The following MAGI2 variants were observed in gnomAD, a reference collection of about 807,000 sequenced individuals.
MAGI2 encodes the protein membrane-associated guanylate kinase, WW and PDZ domain-containing protein 2.
A neutral mutation model predicts 133.3 loss-of-function variants in MAGI2; 35 were observed. The ratio of observed to expected loss-of-function variants is 0.26; its 90% confidence interval spans 0.20 to 0.35. MAGI2 has a LOEUF of 0.35. Ranked by LOEUF, MAGI2 falls within the 10% of genes least tolerant of loss-of-function variation. MAGI2 has a pLI of 1.00. For missense variants in MAGI2, 1,636 were observed against 1,863.4 expected (o/e 0.88, Z 2.25); for synonymous variants, 729 against 710.6 (o/e 1.03, Z -0.41).
chr7:78,750,103 C>T (rs1823308358), intron 2 of MAGI2, among the ~76,000 whole-genome samples: 1 of 152,104 alleles, frequency 6.6e-6, no homozygotes, highest in Non-Finnish European at 1.5e-5. Flanking sequence ...CACTGTTCAT[C>T]TCCCACTTAT....
chr7:79,425,934 A>C lies in MAGI2; in HGVS notation c.301+27086T>G, dbSNP rs1411742370. On this transcript the variant is annotated intron_variant, in intron 1 of 21. Coordinates refer to ENST00000354212, the MANE Select transcript of MAGI2 (RefSeq NM_012301.4). ...AGGAAAACTCAGTGTTTGAACTTGAATAAAAGGCACCACATAATTTTTAAA... is the reference window on the plus strand; with the variant it reads ...AGGAAAACTCAGTGTTTGAACTTGACTAAAAGGCACCACATAATTTTTAAA... Among the ~76,000 whole-genome samples, 3 of 152,202 alleles carry C rather than the reference A, an allele frequency of 2.0e-5. No individual in the cohort carries two copies. In the East Asian group the frequency reaches 5.8e-4, roughly 29 times the overall value.
chr7:78,078,856 G>A (rs2151186326), intron 21 of MAGI2, 91 bp downstream of exon 21: 6 of 1,423,898 alleles, frequency 4.2e-6, no homozygotes, highest in Non-Finnish European at 5.9e-6. Context: ...TTAGGTAGAA[G>A]TGGAGAACTG....
intron 2 of MAGI2, among the ~76,000 whole-genome samples, chr7:78,923,929 C>T (rs1449966326): frequency 1.3e-5 from 2 of 152,052 alleles, no homozygotes; most frequent in Non-Finnish European, 2.9e-5. Flanking sequence ...AAGTTGGGTT[C>T]CTAAGTATTT....
intron 2 of MAGI2, among the ~76,000 whole-genome samples, chr7:78,767,240 C>T (rs1825122875): frequency 6.6e-6 from 1 of 152,134 alleles, no homozygotes; most frequent in Non-Finnish European, 1.5e-5. Flanking sequence ...CCGCCTGCCT[C>T]GGCCTTCCAA....
chr7:78,321,504 A>C (rs756866237), intron 9 of MAGI2, among the ~76,000 whole-genome samples: 1 of 152,228 alleles, frequency 6.6e-6, no homozygotes, highest in African/African-American at 2.4e-5. Flanking sequence ...AACCTGACAA[A>C]AACAAGCAAT....
intron 2 of MAGI2, among the ~76,000 whole-genome samples, chr7:78,635,867 C>G (rs1008811308): frequency 6.6e-5 from 10 of 152,200 alleles, no homozygotes; most frequent in African/African-American, 2.4e-4. Flanking sequence ...TTTTACACAA[C>G]CAGCCTAGGC....
chr7:78,029,575 C>A (rs1374485498), intron 21 of MAGI2, among the ~76,000 whole-genome samples: 2 of 152,372 alleles, frequency 1.3e-5, no homozygotes, highest in Middle Eastern at 3.4e-3. Context: ...TGCTGCCACC[C>A]ACCCTGAGTC....
intron 1 of MAGI2, among the ~76,000 whole-genome samples, chr7:79,137,441 G>T (rs1229867591): frequency 2.0e-5 from 2 of 98,774 alleles, no homozygotes; most frequent in Non-Finnish European, 5.2e-5. Context: ...CCACTTCTGG[G>T]TGTTTTTTGT....
intron 6 of MAGI2, among the ~76,000 whole-genome samples, chr7:78,448,061 GC>G (rs905865199): frequency 1.1e-3 from 160 of 152,070 alleles, no homozygotes; most frequent in African/African-American, 3.7e-3. Flanking sequence ...TTAACATAAT[GC>G]CCTCCAGTTC....
chr7:78,490,704 A>C (rs1793521798), intron 5 of MAGI2, among the ~76,000 whole-genome samples: 1 of 152,036 alleles, frequency 6.6e-6, no homozygotes, highest in Admixed American at 6.6e-5. Flanking sequence ...ACTGGCAAGC[A>C]CTCCCAGTAC....
At chr7:79,099,930 G>A (rs978461580) in intron 1 of MAGI2, among the ~76,000 whole-genome samples, 3 of 152,096 alleles carry the variant, frequency 2.0e-5, no homozygotes, top group African/African-American at 7.2e-5. Flanking sequence ...GAAAGATCAC[G>A]AATTAGCTAT....
intron 1 of MAGI2, chr7:79,343,223 A>G (rs1243510704): frequency 6.6e-6 from 1 of 152,170 alleles, no homozygotes; most frequent in Non-Finnish European, 1.5e-5. Flanking sequence ...AGCACCTGCA[A>G]ATGTTTCCTT....
chr7:79,231,961 A>G (rs570703771), intron 1 of MAGI2, among the ~76,000 whole-genome samples: 1 of 152,310 alleles, frequency 6.6e-6, no homozygotes, highest in East Asian at 1.9e-4. Context: ...ATTTTGAGAT[A>G]CGTCCCATCG....
rs149050224 is a variant in MAGI2 at position 78,236,340 on chromosome 7, G to C, written c.2047+19603C>G. Among the ~76,000 whole-genome samples the C allele has an allele frequency of 5.1e-3, 770 of 152,180 alleles. 3 individuals carry two copies. The highest frequency in any genetic ancestry group is 0.018 in the African/African-American group (748 of 41,528). The stretch of plus-strand genomic sequence containing the variant: ...ACAGAAGACAGTCAGTAGAAAAATA[G>C]TTTTGTTCATTTTTATACACTCAGC... On this transcript the variant is annotated intron_variant, in intron 10 of 21. Transcript: ENST00000354212.
chr7:78,937,585 T>C (rs567621444), intron 2 of MAGI2, among the ~76,000 whole-genome samples: 3 of 152,256 alleles, frequency 2.0e-5, no homozygotes, highest in South Asian at 4.1e-4. Context: ...AACCAAATGA[T>C]TAAAGTTAAC....
In MAGI2 at chr7:79,149,995, A is replaced by G. The variant is rs551045820; in HGVS notation, c.302-142789T>C. ...TATGCAGGGGAGGATTTGTTAACCT[A>G]TGTGAGATCAGGAGATAAAGTGTAA... On this transcript the variant is annotated intron_variant, in intron 1 of 21. Coordinates refer to ENST00000354212, the MANE Select transcript of MAGI2 (RefSeq NM_012301.4). 2.0e-5 allele frequency among the ~76,000 whole-genome samples: 3 copies of G among 152,280 alleles called. No homozygotes were observed. In the South Asian group the frequency reaches 6.2e-4, roughly 32 times the overall value.
chr7:78,317,535 G>A (rs1001929931), intron 9 of MAGI2, among the ~76,000 whole-genome samples: 1 of 152,252 alleles, frequency 6.6e-6, no homozygotes, highest in Non-Finnish European at 1.5e-5. Context: ...TAGAGCACCT[G>A]GGGGAAGGCG....
intron 1 of MAGI2, among the ~76,000 whole-genome samples, chr7:79,379,327 T>C (rs1843623288): frequency 1.3e-5 from 2 of 151,954 alleles, no homozygotes. Context: ...TTCCATGATG[T>C]ATATGTGCCA....
chr7:79,424,083 T>C (rs1205984916), intron 1 of MAGI2, among the ~76,000 whole-genome samples: 3 of 152,042 alleles, frequency 2.0e-5, no homozygotes, highest in Non-Finnish European at 4.4e-5. Context: ...TCACAGAATG[T>C]TAGAAGTCAC....
Sources: allele counts gnomAD v4.1 joint callset (sites outside exome capture counted in the v4.1 genomes callset), GRCh38; gene constraint gnomAD v4.1.1; transcripts MANE v1.5; gene names NCBI Gene and HGNC (gene_info 2026-07-23, HGNC 2026-07-21).